TMEM217B: variants seen among roughly 807,000 people sequenced by gnomAD.
TMEM217B encodes putative transmembrane protein 217B.
chr6:37,241,339 G>A, the TMEM217B span, among the ~76,000 whole-genome samples: 1 of 152,064 alleles, frequency 6.6e-6, no homozygotes, highest in African/African-American at 2.4e-5. Flanking sequence ...TGTCTACGTG[G>A]TGGGGAATAT....
At chr6:37,218,184 TTG>T in the TMEM217B span, 2 of 1,186,192 alleles carry the variant, frequency 1.7e-6, no homozygotes, top group South Asian at 3.1e-5. Context: ...TTTTTTTTTT[TTG>T]GGGGACAGAG....
chr6:37,215,050 A>G, the TMEM217B span: 1 of 964,258 alleles, frequency 1.0e-6, no homozygotes, highest in Middle Eastern at 3.4e-4. Context: ...AAATGTCTGT[A>G]TAAAGCCCAC....
the TMEM217B span, among the ~76,000 whole-genome samples, chr6:37,225,505 A>C: frequency 6.6e-6 from 1 of 152,242 alleles, no homozygotes; most frequent in Non-Finnish European, 1.5e-5. Flanking sequence ...AAAAATAAAA[A>C]GAGTGGAAAA....
chr6:37,218,192 C>T, the TMEM217B span: 1 of 1,116,394 alleles, frequency 9.0e-7, no homozygotes, highest in Non-Finnish European at 1.1e-6. Flanking sequence ...TTTTGGGGGA[C>T]AGAGTCTTAC....
At chr6:37,242,151 C>G in the TMEM217B span, among the ~76,000 whole-genome samples, 1 of 152,164 alleles carries the variant, frequency 6.6e-6, no homozygotes, top group Non-Finnish European at 1.5e-5. Flanking sequence ...GCTTGATGTC[C>G]AGACTTCAGT....
chr6:37,244,990 C>G, the TMEM217B span, among the ~76,000 whole-genome samples: 2 of 152,192 alleles, frequency 1.3e-5, no homozygotes, highest in Non-Finnish European at 2.9e-5. Flanking sequence ...CTAGCCTAGA[C>G]ATGTTCTCAT....
chr6:37,245,436 C>A, the TMEM217B span, among the ~76,000 whole-genome samples: 1 of 152,270 alleles, frequency 6.6e-6, no homozygotes, highest in Non-Finnish European at 1.5e-5. Flanking sequence ...TGCTTCTTTG[C>A]ATCACAAACT....
chr6:37,254,736 T>G, the TMEM217B span, among the ~76,000 whole-genome samples: 1 of 152,304 alleles, frequency 6.6e-6, no homozygotes, highest in East Asian at 1.9e-4. Flanking sequence ...TTCTAGGTGC[T>G]GGGGATACAG....
At chr6:37,258,016 C>T in the TMEM217B span, 2 of 1,600,282 alleles carry the variant, frequency 1.2e-6, no homozygotes, top group Non-Finnish European at 1.7e-6. Context: ...TGGACCAAAC[C>T]CTTCCAGATC....
the TMEM217B span, among the ~76,000 whole-genome samples, chr6:37,236,508 G>A: frequency 6.6e-6 from 1 of 151,870 alleles, no homozygotes; most frequent in African/African-American, 2.4e-5. Context: ...AAAATGCAAG[G>A]GAATAATAGG....
the TMEM217B span, among the ~76,000 whole-genome samples, chr6:37,249,807 T>C: frequency 2.6e-5 from 4 of 152,228 alleles, no homozygotes; most frequent in African/African-American, 9.6e-5. Flanking sequence ...GTTGGAAGTG[T>C]AAAGTAGTAT....
chr6:37,230,430 G>A, the TMEM217B span, among the ~76,000 whole-genome samples: 4 of 152,138 alleles, frequency 2.6e-5, no homozygotes, highest in East Asian at 1.9e-4. Context: ...ATCCTAACCC[G>A]CAGCACTGCA....
chr6:37,237,127 AG>A, the TMEM217B span, among the ~76,000 whole-genome samples: 25 of 152,340 alleles, frequency 1.6e-4, no homozygotes, highest in South Asian at 5.2e-3. Context: ...TGAGTCACCA[AG>A]GCCATATTCA....
the TMEM217B span, among the ~76,000 whole-genome samples, chr6:37,249,418 CA>C: frequency 6.6e-6 from 1 of 152,110 alleles, no homozygotes; most frequent in African/African-American, 2.4e-5. Flanking sequence ...TTTCCAGGTT[CA>C]AGCAATTCTC....
At chr6:37,236,877 T>A in the TMEM217B span, among the ~76,000 whole-genome samples, 22 of 152,148 alleles carry the variant, frequency 1.4e-4, no homozygotes, top group Non-Finnish European at 2.6e-4. Flanking sequence ...CCTAGAAGAC[T>A]CACTCAGATG....
chr6:37,224,181 C>T, the TMEM217B span, among the ~76,000 whole-genome samples: 5 of 150,678 alleles, frequency 3.3e-5, no homozygotes, highest in Admixed American at 6.6e-5. Flanking sequence ...TCAAATGATC[C>T]GCCTGCCTCG....
the TMEM217B span, among the ~76,000 whole-genome samples, chr6:37,219,966 C>A: frequency 6.6e-6 from 1 of 152,094 alleles, no homozygotes; most frequent in Non-Finnish European, 1.5e-5. Context: ...GTGAAAGATG[C>A]ATACTTTAAA....
chr6:37,231,117 G>A, the TMEM217B span, among the ~76,000 whole-genome samples: 5 of 151,494 alleles, frequency 3.3e-5, no homozygotes, highest in East Asian at 1.9e-4. Flanking sequence ...TGGAGTGCAG[G>A]CGCATGATCT....
At chr6:37,240,445 C>G in the TMEM217B span, among the ~76,000 whole-genome samples, 1 of 152,152 alleles carries the variant, frequency 6.6e-6, no homozygotes. Context: ...CTATAGTCCA[C>G]TTGAATTTCC....
Sources: gnomAD v4.1 joint callset for allele counts (sites outside exome capture counted in the v4.1 genomes callset) on GRCh38, gnomAD v4.1.1 for gene constraint, MANE v1.5 for transcripts, NCBI Gene and HGNC (gene_info 2026-07-23, HGNC 2026-07-21) for gene names.